Variants in TRIM27 observed in about 807,000 individuals in gnomAD.
TRIM27 encodes tripartite motif containing 27.
TRIM27 carries 12 observed loss-of-function variants against 57.6 expected under a neutral mutation model. The observed-to-expected ratio is 0.21, with a 90% CI of 0.13 to 0.34. TRIM27 has a LOEUF of 0.34. TRIM27 is among the 10% of genes least tolerant of loss of function. The probability of loss-of-function intolerance (pLI) is 1.00; values close to 1 mark genes in which losing one functional copy is unlikely to be tolerated. For synonymous variants in TRIM27, 266 were observed against 259.0 expected (o/e 1.03, Z -0.26); for missense variants, 403 against 656.8 (o/e 0.61, Z 4.22).
At chr6:28,920,822 G>A (rs1332943849) in intron 2 of TRIM27, among the ~76,000 whole-genome samples, 1 of 152,108 alleles carries the variant, frequency 6.6e-6, no homozygotes, top group Non-Finnish European at 1.5e-5. Flanking sequence ...AAAGTGACAG[G>A]GTCAGATATG....
Position 28,908,852 on chromosome 6 carries a change from A to C in TRIM27, c.887-12T>G. On this transcript the variant is annotated splice_polypyrimidine_tract_variant and intron_variant, in intron 5 of 7. Transcript: ENST00000377199. ...TGACTGCATTTTTTCTAAGAAAAGA[A>C]AACAAGAAAATATTCAGTCTGCATC... 1 of 1,613,648 alleles carries C rather than the reference A, an allele frequency of 6.2e-7. No homozygotes were observed. The highest frequency in any genetic ancestry group is 1.1e-5 in the South Asian group (1 of 90,984).
In TRIM27 at chr6:28,904,827, C is replaced by CT; in HGVS notation, c.947-163dup. On this transcript the variant is annotated intron_variant, in intron 7 of 7. Transcript: ENST00000377199. This position sits in a 1 kb window ranked among gnomAD's most constrained non-coding sequence, Gnocchi z 6.1. ...AAACTTCACATTTCAAAAATTACTGCTTGGATTAGCTGGTTACCAGAATAC... is the reference window on the plus strand; with the variant it reads ...AAACTTCACATTTCAAAAATTACTGCTTTGGATTAGCTGGTTACCAGAATAC... 1 of 593,152 alleles carries CT rather than the reference C, an allele frequency of 1.7e-6. No individual in the cohort carries two copies. Among genetic ancestry groups the CT allele is most frequent in the Non-Finnish European group, 2.9e-6 (1 of 339,928 alleles). The allele number at this position is 593,152 out of a possible 1,614,324, so 36.7% of individuals were successfully genotyped here.
At position 28,903,136 on chromosome 6, in the gene TRIM27, TG is replaced by T; in HGVS notation, c.*933del. 1 of 231,852 alleles carries T rather than the reference TG, an allele frequency of 4.3e-6. No homozygotes were observed. Among genetic ancestry groups the T allele is most frequent in the Non-Finnish European group, 8.5e-6 (1 of 117,214 alleles). 14.4% of individuals were successfully genotyped at this position (231,852 alleles called of 1,614,324 possible). A position where few individuals can be genotyped will look rare whatever the true frequency, so the allele number is the denominator to read the frequency against. On this transcript the variant is annotated 3_prime_UTR_variant, in exon 8 of 8. Coordinates refer to ENST00000377199, the MANE Select transcript of TRIM27 (RefSeq NM_006510.5). Reference sequence around the variant, plus strand: ...GACTTCAGAGTGTCTCATGATCCAATGGCCATGGGGACGGAGCTGCCCCTTG... The same window carrying T: ...GACTTCAGAGTGTCTCATGATCCAATGCCATGGGGACGGAGCTGCCCCTTG...
chr6:28,907,327 G>A (rs1772839736), intron 6 of TRIM27, 65 bp from the exon 7 acceptor site: 16 of 1,528,086 alleles, frequency 1.0e-5, no homozygotes, highest in South Asian at 3.4e-5. Flanking sequence ...ATAACTAAGG[G>A]GGCTTTGGTT....
In TRIM27 at chr6:28,903,594, C is replaced by A. The variant is rs1386218829; in HGVS notation, c.*476G>T. On this transcript the variant is annotated 3_prime_UTR_variant, in exon 8 of 8. Transcript: ENST00000377199. ...GGAATCAGGGGCAGAGGTACTGTTC[C>A]CAGACGGAAAACTGGGATAAAGGGA... 2 of 240,614 alleles carry A rather than the reference C, an allele frequency of 8.3e-6. No homozygotes were observed. The highest frequency in any genetic ancestry group is 1.2e-4 in the East Asian group (2 of 16,744). 14.9% of individuals were successfully genotyped at this position (240,614 alleles called of 1,614,324 possible). A position where few individuals can be genotyped will look rare whatever the true frequency, so the allele number is the denominator to read the frequency against.
chr6:28,922,682 T>C (rs1266940331), intron 1 of TRIM27, among the ~76,000 whole-genome samples: 5 of 152,168 alleles, frequency 3.3e-5, no homozygotes, highest in Non-Finnish European at 5.9e-5. Flanking sequence ...TTCCACAATA[T>C]TCCTCATAAC....
At chr6:28,911,749 A>T (rs777074785) in intron 3 of TRIM27, 31 bp from the exon 4 acceptor site, 12 of 1,609,704 alleles carry the variant, frequency 7.5e-6, no homozygotes, top group Non-Finnish European at 8.5e-6. Context: ...AATAACCATG[A>T]GAAGTCATTT....
chr6:28,917,450 C>T (rs3132380), intron 3 of TRIM27, among the ~76,000 whole-genome samples: 61,498 of 151,606 alleles, frequency 0.41, 13,974 homozygotes, highest in African/African-American at 0.6. Context: ...TGGTGGCACA[C>T]GCCTGTAATC....
chr6:28,915,168 A>G (rs1385715898), intron 3 of TRIM27: 2 of 151,954 alleles, frequency 1.3e-5, no homozygotes, highest in African/African-American at 2.4e-5. Context: ...GTGACTTCCA[A>G]CATAAACACT....
chr6:28,910,144 A>AAC (rs3085541), intron 4 of TRIM27, among the ~76,000 whole-genome samples: 28 of 146,256 alleles, frequency 1.9e-4, no homozygotes, highest in African/African-American at 6.9e-4. Flanking sequence ...AAAAAAAAAA[A>AAC]CGAAGAAAAA....
chr6:28,918,016 G>A (rs933501295), intron 3 of TRIM27, among the ~76,000 whole-genome samples: 16 of 151,832 alleles, frequency 1.1e-4, no homozygotes, highest in African/African-American at 3.9e-4. Flanking sequence ...AATAGAGATG[G>A]GGTTTCTCCA....
At chr6:28,906,926 G>A (rs761897104) in intron 7 of TRIM27, 4 of 298,630 alleles carry the variant, frequency 1.3e-5, no homozygotes, top group Non-Finnish European at 2.5e-5. Context: ...GAAGCTGGGC[G>A]GGCAGAGCAG....
At chr6:28,905,862 G>A (rs1012275366) in intron 7 of TRIM27, 3 of 152,206 alleles carry the variant, frequency 2.0e-5, no homozygotes, top group Non-Finnish European at 2.9e-5. Flanking sequence ...TATGACCCAT[G>A]TCATCTCCTC....
intron 3 of TRIM27, among the ~76,000 whole-genome samples, chr6:28,918,319 T>G (rs1490451069): frequency 6.6e-6 from 1 of 152,168 alleles, no homozygotes; most frequent in Non-Finnish European, 1.5e-5. Context: ...CTTGAAATAG[T>G]CATCTACTTG....
chr6:28,907,529 A>T (rs1295596099), intron 6 of TRIM27: 12 of 673,430 alleles, frequency 1.8e-5, no homozygotes, highest in South Asian at 1.7e-4. Context: ...CTGAGCCAAG[A>T]TCAAGAATTC....
chr6:28,909,474 T>C (rs935536038), intron 4 of TRIM27, among the ~76,000 whole-genome samples: 2 of 152,224 alleles, frequency 1.3e-5, no homozygotes, highest in African/African-American at 4.8e-5. Flanking sequence ...TTAAACTGTC[T>C]AGCGTACACG....
chr6:28,915,910 A>C (rs1025274258), intron 3 of TRIM27, among the ~76,000 whole-genome samples: 1 of 152,112 alleles, frequency 6.6e-6, no homozygotes, highest in African/African-American at 2.4e-5. Context: ...ACTGAAATAT[A>C]TATTTTTTCA....
intron 2 of TRIM27, among the ~76,000 whole-genome samples, chr6:28,920,910 C>T (rs569741092): frequency 1.3e-5 from 2 of 152,320 alleles, no homozygotes; most frequent in South Asian, 2.1e-4. Context: ...AATCCATACC[C>T]GCTGTCTGTC....
chr6:28,912,398 G>C (rs1773271725), intron 3 of TRIM27, among the ~76,000 whole-genome samples: 1 of 151,942 alleles, frequency 6.6e-6, no homozygotes, highest in Non-Finnish European at 1.5e-5. Flanking sequence ...GTGTGAGCCA[G>C]CGGTGGCCTC....
Sources: gnomAD v4.1 joint callset for allele counts (sites outside exome capture counted in the v4.1 genomes callset) on GRCh38, gnomAD v4.1.1 for gene constraint, Gnocchi (gnomAD v3.1) non-coding constraint, MANE v1.5 for transcripts, NCBI Gene and HGNC (gene_info 2026-07-23, HGNC 2026-07-21) for gene names.